Variants in PRKCB observed in about 807,000 individuals in gnomAD.
The protein encoded by PRKCB is protein kinase C beta.
A neutral mutation model predicts 81.5 loss-of-function variants in PRKCB; 13 were observed. The observed-to-expected ratio is 0.16, with a 90% CI of 0.10 to 0.25. The LOEUF is 0.25. Ranked by LOEUF, PRKCB falls within the 10% of genes least tolerant of loss-of-function variation. PRKCB has a pLI of 1.00. For missense variants in PRKCB, 509 were observed against 875.7 expected, an observed-to-expected ratio of 0.58 and a Z score of 5.29; for synonymous variants, 335 against 321.4, an observed-to-expected ratio of 1.04 and a Z score of -0.45.
intron 2 of PRKCB, among the ~76,000 whole-genome samples, chr16:23,879,844 G>A (rs1258568718): frequency 6.6e-6 from 1 of 152,114 alleles, no homozygotes; most frequent in Admixed American, 6.5e-5. Context: ...CAGAGCATAG[G>A]CTCTTGGGCC....
intron 2 of PRKCB, among the ~76,000 whole-genome samples, chr16:23,846,066 C>T (rs1962361897): frequency 6.6e-6 from 1 of 152,148 alleles, no homozygotes; most frequent in Admixed American, 6.6e-5. Context: ...ACTCTTCATT[C>T]CTTTGGCTTA....
intron 2 of PRKCB, among the ~76,000 whole-genome samples, chr16:23,926,391 G>A (rs559853918): frequency 3.0e-4 from 46 of 151,978 alleles, no homozygotes; most frequent in African/African-American, 1.1e-3. Context: ...GGCCGAGGTG[G>A]AAGAATCACT....
At chr16:23,992,422 C>G (rs535043597) in intron 3 of PRKCB, among the ~76,000 whole-genome samples, 6 of 152,300 alleles carry the variant, frequency 3.9e-5, no homozygotes, top group African/African-American at 1.4e-4. Context: ...GTGGCATGAT[C>G]TGTTTATAGA....
Position 24,004,032 on chromosome 16 carries a change from G to A in PRKCB, c.288+15442G>A, listed in dbSNP as rs150953253. Among the ~76,000 whole-genome samples the A allele has an allele frequency of 3.8e-3, 585 of 152,254 alleles. 3 individuals are homozygous for A. The Middle Eastern group carries it at 0.051, about 13-fold the overall frequency. ...CACGGACATTATGCATTCAAATAAT[G>A]TGGAGGAAACAATCTAGAGATAAAA... On this transcript the variant is annotated intron_variant, in intron 3 of 16. Transcript: ENST00000643927.
rs1361258430 is a variant in PRKCB at position 24,071,372 on chromosome 16, G to A, written c.530-21419G>A. Among the ~76,000 whole-genome samples the A allele has an allele frequency of 4.0e-5, 6 of 149,780 alleles. No homozygotes were observed. The Admixed American group carries it at 4.0e-4, about 10-fold the overall frequency. ...TAATCCTAGCACTTTGAGAGGCCAAGGCGGGTGGATCGCTTGAGCTCAGGA... is the reference window on the plus strand; with the variant it reads ...TAATCCTAGCACTTTGAGAGGCCAAAGCGGGTGGATCGCTTGAGCTCAGGA... On this transcript the variant is annotated intron_variant, in intron 5 of 16. Coordinates refer to ENST00000643927, the MANE Select transcript of PRKCB (RefSeq NM_002738.7).
At chr16:24,009,713 C>A (rs1435617653) in intron 3 of PRKCB, among the ~76,000 whole-genome samples, 1 of 151,658 alleles carries the variant, frequency 6.6e-6, no homozygotes, top group Non-Finnish European at 1.5e-5. Flanking sequence ...TGCTTTTGAG[C>A]ACTTAAAAAA....
intron 3 of PRKCB, among the ~76,000 whole-genome samples, chr16:24,030,121 C>A (rs1965532860): frequency 6.6e-6 from 1 of 152,154 alleles, no homozygotes; most frequent in Non-Finnish European, 1.5e-5. Flanking sequence ...TGGTCTTGAT[C>A]TCCTGGCCTC....
At chr16:24,158,732 C>G (rs904243397) in intron 10 of PRKCB, among the ~76,000 whole-genome samples, 2 of 151,970 alleles carry the variant, frequency 1.3e-5, no homozygotes, top group Admixed American at 6.6e-5. Context: ...AATCATAGCT[C>G]ACTGCAGCCT....
intron 5 of PRKCB, among the ~76,000 whole-genome samples, chr16:24,053,836 G>C (rs1465798311): frequency 6.6e-6 from 1 of 152,208 alleles, no homozygotes; most frequent in East Asian, 1.9e-4. Context: ...CAAGGGAAGG[G>C]AGCAGGAGAG....
At chr16:23,895,333 A>C (rs1046430919) in intron 2 of PRKCB, among the ~76,000 whole-genome samples, 3 of 152,136 alleles carry the variant, frequency 2.0e-5, no homozygotes, top group African/African-American at 7.2e-5. Context: ...TTTTCCCCTC[A>C]AACAACCACC....
At chr16:24,194,456 G>T (rs760197196) in intron 16 of PRKCB, among the ~76,000 whole-genome samples, 6 of 152,174 alleles carry the variant, frequency 3.9e-5, no homozygotes, top group African/African-American at 1.4e-4. Flanking sequence ...ACACCCATAT[G>T]TATCCCATGC....
chr16:24,186,409 ATGAAGTGATTT>A (rs1168774621), intron 15 of PRKCB, among the ~76,000 whole-genome samples: 1 of 152,216 alleles, frequency 6.6e-6, no homozygotes, highest in Non-Finnish European at 1.5e-5. Context: ...TACTGTCCAA[ATGAAGTGATTT>A]TTCAACTCTG....
At chr16:23,882,610 C>T (rs1963141596) in intron 2 of PRKCB, among the ~76,000 whole-genome samples, 1 of 152,172 alleles carries the variant, frequency 6.6e-6, no homozygotes, top group Non-Finnish European at 1.5e-5. Context: ...GAATTTTCTT[C>T]CTCTTTAAGG....
chr16:23,989,150 A>G (rs1964842115), intron 3 of PRKCB, among the ~76,000 whole-genome samples: 1 of 152,072 alleles, frequency 6.6e-6, no homozygotes, highest in Admixed American at 6.5e-5. Flanking sequence ...TATTTTTGGT[A>G]GAGACGGGGT....
chr16:24,023,014 G>C (rs536872651), intron 3 of PRKCB, among the ~76,000 whole-genome samples: 2 of 152,310 alleles, frequency 1.3e-5, no homozygotes, highest in East Asian at 3.9e-4. Context: ...GGGTGACGAG[G>C]ATCTGATGTA....
At chr16:24,061,918 A>AC (rs1464181466) in intron 5 of PRKCB, among the ~76,000 whole-genome samples, 3 of 148,864 alleles carry the variant, frequency 2.0e-5, no homozygotes, top group Non-Finnish European at 4.5e-5. Flanking sequence ...AATAAAAAAA[A>AC]AAAAAAAAAA....
chr16:24,187,689 GTTTTGTTTT>G lies in PRKCB; in HGVS notation c.1722+2123_1722+2131del, dbSNP rs1567406399. 7.8e-3 allele frequency among the ~76,000 whole-genome samples: 1,133 copies of G among 144,750 alleles called. 11 individuals are homozygous for G. Among genetic ancestry groups the G allele is most frequent in the African/African-American group, 0.028 (1,056 of 38,258 alleles). The allele number at this position is 144,750 out of a possible 152,430, so 95.0% of individuals were successfully genotyped here. ...GTTTTGTTTTGTTTTGTTTTGTTTTGTTTTGTTTTATCAATGTCTCGCTCTGTCGCCCAG... is the reference window on the plus strand; with the variant it reads ...GTTTTGTTTTGTTTTGTTTTGTTTTGATCAATGTCTCGCTCTGTCGCCCAG... On this transcript the variant is annotated intron_variant, in intron 15 of 16. Transcript: ENST00000643927.
At chr16:24,069,422 G>A (rs1303162646) in intron 5 of PRKCB, among the ~76,000 whole-genome samples, 1 of 152,192 alleles carries the variant, frequency 6.6e-6, no homozygotes, top group Non-Finnish European at 1.5e-5. Flanking sequence ...GGGACGAGCA[G>A]TGCTGTGCTG....
intron 8 of PRKCB, among the ~76,000 whole-genome samples, chr16:24,113,520 TCCTC>T (rs1232226926): frequency 6.8e-6 from 1 of 147,078 alleles, no homozygotes; most frequent in African/African-American, 2.5e-5. Context: ...TTTCCCTCCT[TCCTC>T]CCTCCCTCCC....
Sources: allele counts gnomAD v4.1 joint callset (sites outside exome capture counted in the v4.1 genomes callset), GRCh38; gene constraint gnomAD v4.1.1; transcripts MANE v1.5; gene names NCBI Gene and HGNC (gene_info 2026-07-23, HGNC 2026-07-21).